Variants in PSPC1 observed in about 807,000 individuals in gnomAD.
PSPC1 encodes paraspeckle protein 1.
Under a neutral mutation model 51.6 loss-of-function variants are expected in PSPC1, and 14 were observed. The observed-to-expected ratio is 0.27, with a 90% confidence interval of 0.18 to 0.42. The LOEUF is 0.42. PSPC1 is among the 10% of genes least tolerant of loss of function. The probability of loss-of-function intolerance (pLI) is 1.00; values close to 1 mark genes in which losing one functional copy is unlikely to be tolerated. For synonymous variants in PSPC1, 193 were observed against 231.9 expected (o/e 0.83, Z 1.53); for missense variants, 406 against 701.1 (o/e 0.58, Z 4.75).
At chr13:19,721,527 C>T (rs1325139816) in intron 6 of PSPC1, among the ~76,000 whole-genome samples, 1 of 152,174 alleles carries the variant, frequency 6.6e-6, no homozygotes, top group African/African-American at 2.4e-5. Context: ...ATTTTATAAA[C>T]ACAGACATAT....
intron 2 of PSPC1, among the ~76,000 whole-genome samples, chr13:19,760,006 G>A (rs1278037401): frequency 2.6e-5 from 4 of 152,040 alleles, no homozygotes; most frequent in African/African-American, 7.2e-5. Flanking sequence ...TAATGAAAAC[G>A]AATTTGTACC....
intron 2 of PSPC1, among the ~76,000 whole-genome samples, chr13:19,764,278 A>G (rs1337280692): frequency 6.6e-6 from 1 of 152,136 alleles, no homozygotes; most frequent in Non-Finnish European, 1.5e-5. Flanking sequence ...TTTACATAAA[A>G]TGAATTACCT....
intron 2 of PSPC1, among the ~76,000 whole-genome samples, chr13:19,764,495 A>G (rs1235017016): frequency 6.6e-6 from 1 of 151,980 alleles, no homozygotes; most frequent in Non-Finnish European, 1.5e-5. Context: ...AACTGTGGAA[A>G]CAAGGTAAAA....
At chr13:19,675,889 T>A (rs550640627) in intron 7 of PSPC1, 1 of 152,220 alleles carries the variant, frequency 6.6e-6, no homozygotes, top group Non-Finnish European at 1.5e-5. Flanking sequence ...ATTAAATATT[T>A]GGCCTTTTAA....
intron 6 of PSPC1, among the ~76,000 whole-genome samples, chr13:19,691,189 T>G (rs867039144): frequency 6.6e-6 from 1 of 152,174 alleles, no homozygotes; most frequent in Non-Finnish European, 1.5e-5. Context: ...CAATACCAAA[T>G]GTCAAACACT....
chr13:19,685,165 G>A (rs1346258496), intron 6 of PSPC1, among the ~76,000 whole-genome samples: 1 of 152,208 alleles, frequency 6.6e-6, no homozygotes, highest in African/African-American at 2.4e-5. Flanking sequence ...ATTTGTAAAT[G>A]CAGAAGCTTC....
At chr13:19,708,151 A>G (rs7333251) in intron 7 of PSPC1, among the ~76,000 whole-genome samples, 1 of 152,228 alleles carries the variant, frequency 6.6e-6, no homozygotes, top group Non-Finnish European at 1.5e-5. Flanking sequence ...ATGACTCTAC[A>G]TTATCTGATT....
intron 7 of PSPC1, among the ~76,000 whole-genome samples, chr13:19,706,042 C>G (rs1211829254): frequency 2.0e-5 from 3 of 152,126 alleles, no homozygotes; most frequent in Non-Finnish European, 4.4e-5. Context: ...TACATAAAAT[C>G]AAGGAGGAAA....
At chr13:19,744,394 T>C (rs1292949112) in intron 4 of PSPC1, among the ~76,000 whole-genome samples, 2 of 152,134 alleles carry the variant, frequency 1.3e-5, no homozygotes, top group Admixed American at 1.3e-4. Flanking sequence ...AAAAGAACTA[T>C]AAACTTAAAA....
At position 19,746,722 on chromosome 13, in the gene PSPC1, G is replaced by A. The variant is rs181290502; in HGVS notation, c.967+4549C>T. ...TCTCAAAAAAAAATTTTTTTTTAAT[G>A]TAATGGGAGTTGAATCTAGAAAGGA... is the stretch of plus-strand genomic sequence containing the variant. On this transcript the variant is annotated intron_variant, in intron 4 of 8. Coordinates refer to ENST00000338910, the MANE Select transcript of PSPC1 (RefSeq NM_001354909.2). 4.5e-3 allele frequency among the ~76,000 whole-genome samples: 691 copies of A among 152,062 alleles called. 5 individuals are homozygous for A. The highest frequency in any genetic ancestry group is 0.027 in the South Asian group (128 of 4,808).
downstream of PSPC1, among the ~76,000 whole-genome samples, chr13:19,700,370 A>G (rs947393766): frequency 2.0e-5 from 3 of 152,100 alleles, no homozygotes; most frequent in African/African-American, 7.2e-5. Flanking sequence ...TAAAACAGAT[A>G]TTGTTCCCCT....
At chr13:19,724,312 T>A (rs1883106024) in intron 6 of PSPC1, among the ~76,000 whole-genome samples, 1 of 152,148 alleles carries the variant, frequency 6.6e-6, no homozygotes, top group Admixed American at 6.5e-5. Context: ...CAGCATAAAT[T>A]AATGGAATTT....
chr13:19,765,199 C>G (rs1450328793), intron 2 of PSPC1, among the ~76,000 whole-genome samples: 1 of 151,598 alleles, frequency 6.6e-6, no homozygotes, highest in African/African-American at 2.4e-5. Context: ...TGGTGCGCAC[C>G]TGTAATCACA....
At chr13:19,760,401 G>A (rs1423288635) in intron 2 of PSPC1, among the ~76,000 whole-genome samples, 1 of 151,862 alleles carries the variant, frequency 6.6e-6, no homozygotes, top group Admixed American at 6.6e-5. Flanking sequence ...GGTGGCACAC[G>A]CCTGTAGTCC....
chr13:19,744,973 A>G (rs960271882), intron 4 of PSPC1, among the ~76,000 whole-genome samples: 1 of 152,184 alleles, frequency 6.6e-6, no homozygotes, highest in African/African-American at 2.4e-5. Flanking sequence ...ATTACTTATT[A>G]CTTACTAAAC....
chr13:19,694,233 A>G (rs1274988723), intron 6 of PSPC1, among the ~76,000 whole-genome samples: 1 of 151,868 alleles, frequency 6.6e-6, no homozygotes, highest in Non-Finnish European at 1.5e-5. Context: ...TTTAAAAGGA[A>G]CAATAAATTA....
At chr13:19,676,429 GTATGCAAA>G (rs1412953050) in intron 7 of PSPC1, among the ~76,000 whole-genome samples, 1 of 152,150 alleles carries the variant, frequency 6.6e-6, no homozygotes, top group Non-Finnish European at 1.5e-5. Context: ...GCTGGGTACA[GTATGCAAA>G]ACAGCTGTCA....
chr13:19,707,528 T>C (rs562362748), intron 7 of PSPC1, among the ~76,000 whole-genome samples: 40 of 152,324 alleles, frequency 2.6e-4, no homozygotes, highest in African/African-American at 9.6e-4. Flanking sequence ...TAATGATTAA[T>C]AGCTCTACAA....
In PSPC1 at chr13:19,727,818, T is replaced by C. The variant is rs143740323; in HGVS notation, c.1158+2421A>G. ...TCCAAAAATTGTGATAAGTAGAAAA[T>C]TTCCACTTAGTAAATACTGCCTGGA... On this transcript the variant is annotated intron_variant, in intron 6 of 8. Coordinates refer to ENST00000338910, the MANE Select transcript of PSPC1 (RefSeq NM_001354909.2). 1.4e-3 allele frequency among the ~76,000 whole-genome samples: 216 copies of C among 152,300 alleles called. 2 individuals carry two copies. The highest frequency in any genetic ancestry group is 5.0e-3 in the African/African-American group (207 of 41,566).
Sources: gnomAD v4.1 joint callset for allele counts (sites outside exome capture counted in the v4.1 genomes callset) on GRCh38, gnomAD v4.1.1 for gene constraint, MANE v1.5 for transcripts, NCBI Gene and HGNC (gene_info 2026-07-23, HGNC 2026-07-21) for gene names.